TBX5: variants seen among roughly 807,000 people sequenced by gnomAD.
TBX5 encodes the protein T-box transcription factor 5.
A neutral mutation model predicts 51.1 loss-of-function variants in TBX5; 8 were observed. That is an observed-to-expected ratio of 0.16 (90% CI 0.09 to 0.28). The LOEUF (loss-of-function observed/expected upper bound fraction) is 0.28, where lower values mean the gene tolerates loss of function less well. TBX5 is among the 10% of genes least tolerant of loss of function. The probability of loss-of-function intolerance (pLI) is 1.00; values close to 1 mark genes in which losing one functional copy is unlikely to be tolerated. For synonymous variants in TBX5, 302 were observed against 266.4 expected (o/e 1.13, Z -1.30); for missense variants, 589 against 671.7 (o/e 0.88, Z 1.36).
intron 7 of TBX5, among the ~76,000 whole-genome samples, chr12:114,375,535 A>G (rs564299866): frequency 6.6e-6 from 1 of 152,346 alleles, no homozygotes; most frequent in African/African-American, 2.4e-5. Flanking sequence ...TATAATAAAA[A>G]TGTACAACTT....
intron 8 of TBX5, among the ~76,000 whole-genome samples, chr12:114,362,948 G>A (rs1221482619): frequency 6.6e-6 from 1 of 152,224 alleles, no homozygotes; most frequent in African/African-American, 2.4e-5. Context: ...ACAGGTGTGA[G>A]CCACAGTGCC....
intron 7 of TBX5, among the ~76,000 whole-genome samples, chr12:114,379,450 C>A (rs1356085064): frequency 1.3e-5 from 2 of 152,142 alleles, no homozygotes; most frequent in African/African-American, 4.8e-5. Flanking sequence ...CGCAGGTGAG[C>A]CACTTTGGCT....
chr12:114,367,323 C>T (rs1258021633), intron 7 of TBX5, among the ~76,000 whole-genome samples: 1 of 152,106 alleles, frequency 6.6e-6, no homozygotes, highest in African/African-American at 2.4e-5. Context: ...CAGGCCCCAT[C>T]CCTATCCCTT....
chr12:114,398,521 G>C, intron 5 of TBX5, 52 bp downstream of exon 5: 1 of 1,593,296 alleles, frequency 6.3e-7, no homozygotes, highest in Non-Finnish European at 8.6e-7. Context: ...TGAGAAGAAG[G>C]GAGAGAGGAC....
At chr12:114,374,938 G>C (rs1410548674) in intron 7 of TBX5, among the ~76,000 whole-genome samples, 1 of 152,190 alleles carries the variant, frequency 6.6e-6, no homozygotes, top group Non-Finnish European at 1.5e-5. Flanking sequence ...TGAGTGGATG[G>C]AGGGATATGT....
chr12:114,362,978 A>T (rs1171004395), intron 8 of TBX5, among the ~76,000 whole-genome samples: 1 of 152,162 alleles, frequency 6.6e-6, no homozygotes, highest in African/African-American at 2.4e-5. Context: ...AATTTCAATT[A>T]AGCAATTTAT....
intron 3 of TBX5, among the ~76,000 whole-genome samples, chr12:114,400,059 A>T (rs1416539415): frequency 1.3e-5 from 2 of 152,138 alleles, no homozygotes; most frequent in Non-Finnish European, 2.9e-5. Context: ...GCTTCCGCCG[A>T]TCCTCGCGTT....
intron 7 of TBX5, among the ~76,000 whole-genome samples, chr12:114,371,558 A>G (rs1412207984): frequency 6.7e-6 from 1 of 149,430 alleles, no homozygotes; most frequent in Non-Finnish European, 1.5e-5. Flanking sequence ...AGCAGGTGGC[A>G]GGGGGCGCTG....
chr12:114,361,645 G>T (rs1464174640), intron 8 of TBX5, among the ~76,000 whole-genome samples: 6 of 152,150 alleles, frequency 3.9e-5, no homozygotes. Flanking sequence ...CTGACTCCTG[G>T]GCTCATTGGA....
intron 1 of TBX5, 64 bp from the exon 2 acceptor site, chr12:114,404,000 G>A: frequency 6.6e-7 from 1 of 1,523,600 alleles, no homozygotes; most frequent in East Asian, 2.4e-5. Flanking sequence ...GAGAAAGGTT[G>A]GAGAGCACAA....
At chr12:114,408,019 T>C (rs1872335668), upstream of TBX5, 2 of 985,308 alleles carry the variant, frequency 2.0e-6, no homozygotes, top group Admixed American at 1.2e-4. Flanking sequence ...TACTGTTTAT[T>C]ACCAGGCATA....
At chr12:114,381,117 C>G (rs1353979142) in intron 7 of TBX5, among the ~76,000 whole-genome samples, 1 of 152,190 alleles carries the variant, frequency 6.6e-6, no homozygotes, top group East Asian at 1.9e-4. Context: ...AAGACATCAT[C>G]TGCGTTTTCC....
At chr12:114,402,769 G>T (rs1165845544) in intron 2 of TBX5, among the ~76,000 whole-genome samples, 8 of 151,564 alleles carry the variant, frequency 5.3e-5, no homozygotes, top group Admixed American at 5.3e-4. Context: ...TCTTCATTTT[G>T]GAATAATTTA....
intron 7 of TBX5, among the ~76,000 whole-genome samples, chr12:114,383,441 G>A (rs1474428655): frequency 1.3e-5 from 2 of 152,188 alleles, no homozygotes; most frequent in African/African-American, 2.4e-5. Context: ...AACCTAGGGG[G>A]GTGGCCAGGC....
At position 114,354,232 on chromosome 12, in the gene TBX5, G is replaced by T. The variant is rs1868740337; in HGVS notation, c.*1300C>A. ...AAAAAAACAAAAAAACACAAACTTG[G>T]TTTTGAGTATCAATAAAATTAAAAG... is the stretch of plus-strand genomic sequence containing the variant. On this transcript the variant is annotated 3_prime_UTR_variant, in exon 9 of 9. Coordinates refer to ENST00000405440, the MANE Select transcript of TBX5 (RefSeq NM_181486.4). 6.6e-6 allele frequency: 1 copy of T among 152,382 alleles called. No individual in the cohort carries two copies. The highest frequency in any genetic ancestry group is 2.1e-4 in the South Asian group (1 of 4,820). The allele number at this position is 152,382 out of a possible 1,614,324, so 9.4% of individuals were successfully genotyped here. A position where few individuals can be genotyped will look rare whatever the true frequency, so the allele number is the denominator to read the frequency against.
At chr12:114,388,348 G>A (rs973873011) in intron 6 of TBX5, among the ~76,000 whole-genome samples, 8 of 152,132 alleles carry the variant, frequency 5.3e-5, no homozygotes, top group African/African-American at 1.7e-4. Context: ...AGCAGAGAAG[G>A]GTTTTAACAT....
Position 114,403,874 on chromosome 12 carries a change from C to T in TBX5, c.25G>A (p.Gly9Ser). MADADEGF[G>S]LAHTPLEPDA... ...GGCTCCAGAGGCGTGTGCGCCAGGC[C>T]AAAGCCCTCGTCTGCGTCGGCCATG... Residue 9 changes from glycine to serine, a missense_variant, in exon 2 of 9, where the codon GGC (glycine) becomes AGC (serine). Gly to Ser is a moderately conservative substitution (Grantham distance 56). Around this residue, in one of 7 missense-constraint regions of TBX5, gnomAD observed 101 missense variants for 83.3 expected, o/e 1.21. Coordinates refer to ENST00000405440, the MANE Select transcript of TBX5 (RefSeq NM_181486.4). 1 of 1,613,464 alleles carries T rather than the reference C, an allele frequency of 6.2e-7. No individual in the cohort carries two copies. Among genetic ancestry groups the T allele is most frequent in the South Asian group, 1.1e-5 (1 of 91,076 alleles).
intron 8 of TBX5, among the ~76,000 whole-genome samples, chr12:114,358,382 G>C (rs1340232638): frequency 6.6e-6 from 1 of 152,160 alleles, no homozygotes; most frequent in Non-Finnish European, 1.5e-5. Flanking sequence ...ACACAAGTAA[G>C]CCATTGACTC....
chr12:114,394,986 G>C, intron 5 of TBX5, 93 bp from the exon 6 acceptor site: 1 of 1,267,486 alleles, frequency 7.9e-7, no homozygotes, highest in Non-Finnish European at 1.1e-6. Flanking sequence ...AATTCGCCTT[G>C]TTATATCGGC....
Sources: gnomAD v4.1 joint callset for allele counts (sites outside exome capture counted in the v4.1 genomes callset) on GRCh38, gnomAD v4.1.1 for gene constraint, gnomAD v4.1.1 regional missense constraint, MANE v1.5 for transcripts, NCBI Gene and HGNC (gene_info 2026-07-23, HGNC 2026-07-21) for gene names.